LTBP1: variants seen among roughly 807,000 people sequenced by gnomAD.
The protein encoded by LTBP1 is latent-transforming growth factor beta-binding protein 1.
LTBP1 carries 129 observed loss-of-function variants against 207.6 expected under a neutral mutation model. The ratio of observed to expected loss-of-function variants is 0.62; its 90% CI spans 0.54 to 0.72. LTBP1 has a LOEUF of 0.72. LTBP1 is among the 30% of genes least tolerant of loss of function. The pLI, the probability that LTBP1 is intolerant of heterozygous loss-of-function variation, is 0.00. For synonymous variants in LTBP1, 963 were observed against 833.7 expected (o/e 1.16, Z -2.67); for missense variants, 2,281 against 2,217.2 (o/e 1.03, Z -0.58).
At chr2:33,022,471 A>G (rs2075223061) in intron 3 of LTBP1, among the ~76,000 whole-genome samples, 1 of 151,936 alleles carries the variant, frequency 6.6e-6, no homozygotes, top group Non-Finnish European at 1.5e-5. Flanking sequence ...TGTGCCAGGT[A>G]CTCTTTTAAA....
intron 5 of LTBP1, among the ~76,000 whole-genome samples, chr2:33,180,003 G>C (rs1340255719): frequency 6.6e-6 from 1 of 152,028 alleles, no homozygotes; most frequent in Non-Finnish European, 1.5e-5. Context: ...CTCAGTTTTG[G>C]AGCCTTTCTA....
intron 22 of LTBP1, among the ~76,000 whole-genome samples, chr2:33,307,327 T>G (rs533244837): frequency 1.3e-5 from 2 of 152,336 alleles, no homozygotes; most frequent in African/African-American, 4.8e-5. Flanking sequence ...CAAAGACTTA[T>G]GATTTTAGAA....
At chr2:33,309,710 A>G (rs1228542296) in intron 23 of LTBP1, among the ~76,000 whole-genome samples, 154 bp downstream of exon 23, 2 of 152,202 alleles carry the variant, frequency 1.3e-5, no homozygotes, top group Non-Finnish European at 2.9e-5. Flanking sequence ...GGTCCACATC[A>G]AGTGCAGGAA....
At chr2:33,050,472 A>G (rs1476435068) in intron 3 of LTBP1, among the ~76,000 whole-genome samples, 1 of 152,138 alleles carries the variant, frequency 6.6e-6, no homozygotes, top group Non-Finnish European at 1.5e-5. Context: ...CACACAACTC[A>G]CCTGTACATT....
At position 33,364,242 on chromosome 2, in the gene LTBP1, A is replaced by G. The variant is rs2094958307; in HGVS notation, c.4426A>G (p.Ser1476Gly). The G allele has an allele frequency of 6.2e-7, 1 of 1,613,956 alleles. No individual in the cohort carries two copies. Among genetic ancestry groups the G allele is most frequent in the Non-Finnish European group, 8.5e-7 (1 of 1,179,924 alleles). Residue 1476 changes from serine (S) to glycine (G), a missense_variant, in exon 30 of 34, where the codon AGT (serine) becomes GGT (glycine). Transcript: ENST00000404816. Reference protein sequence around the residue: ...FDMDECQDPSSCIDGQCVNTE... With the variant: ...FDMDECQDPSGCIDGQCVNTE... The stretch of plus-strand genomic sequence containing the variant: ...TATGGATGAATGTCAAGACCCCAGT[A>G]GTTGTATTGATGGCCAGTGTGTTAA...
intron 16 of LTBP1, among the ~76,000 whole-genome samples, chr2:33,274,400 A>G (rs919217084): frequency 2.6e-5 from 4 of 152,192 alleles, no homozygotes; most frequent in Non-Finnish European, 5.9e-5. Flanking sequence ...GAAGCAACAA[A>G]GGAACATATC....
At chr2:33,229,208 G>A (rs568085760) in intron 9 of LTBP1, among the ~76,000 whole-genome samples, 6 of 152,270 alleles carry the variant, frequency 3.9e-5, no homozygotes, top group East Asian at 1.9e-4. Context: ...AATGGCTCAT[G>A]CCTGTATTCC....
intron 5 of LTBP1, among the ~76,000 whole-genome samples, chr2:33,163,475 C>CT (rs1488581073): frequency 6.6e-6 from 1 of 152,122 alleles, no homozygotes; most frequent in Non-Finnish European, 1.5e-5. Context: ...AGAAAAAGCA[C>CT]TGGAAGCAAG....
intron 5 of LTBP1, among the ~76,000 whole-genome samples, chr2:33,152,809 G>A (rs1558715223): frequency 6.6e-6 from 1 of 152,110 alleles, no homozygotes. Context: ...GATTTTTCAA[G>A]AAAAACCTGG....
chr2:33,117,601 C>T (rs1052287341), intron 4 of LTBP1, among the ~76,000 whole-genome samples: 1 of 152,178 alleles, frequency 6.6e-6, no homozygotes, highest in Non-Finnish European at 1.5e-5. Flanking sequence ...CAATATTTAA[C>T]ACGGACAGGT....
intron 5 of LTBP1, among the ~76,000 whole-genome samples, chr2:33,148,079 A>G (rs1401644874): frequency 6.6e-6 from 1 of 152,152 alleles, no homozygotes; most frequent in Non-Finnish European, 1.5e-5. Context: ...AGCTGCCAAT[A>G]GTGTGGTGGT....
intron 24 of LTBP1, among the ~76,000 whole-genome samples, chr2:33,327,853 A>G (rs1379747808): frequency 1.3e-5 from 2 of 151,924 alleles, no homozygotes; most frequent in Non-Finnish European, 2.9e-5. Flanking sequence ...AAATGCATGT[A>G]GAGGGCCGGG....
At chr2:33,089,949 A>C (rs1368802584) in intron 3 of LTBP1, among the ~76,000 whole-genome samples, 1 of 152,254 alleles carries the variant, frequency 6.6e-6, no homozygotes, top group Non-Finnish European at 1.5e-5. Context: ...CAACTTGTCT[A>C]TAGTTTGATC....
intron 3 of LTBP1, among the ~76,000 whole-genome samples, chr2:33,061,864 C>T (rs72793712): frequency 0.097 from 14,780 of 152,116 alleles, 948 homozygotes; most frequent in Non-Finnish European, 0.14. Context: ...ATGTGGTTAG[C>T]TTTATAAGAA....
chr2:33,374,283 G>C (rs1175650005), intron 31 of LTBP1, among the ~76,000 whole-genome samples: 5 of 152,138 alleles, frequency 3.3e-5, no homozygotes, highest in African/African-American at 1.2e-4. Context: ...GCAATCCAGG[G>C]ATCTCTTTCT....
chr2:32,980,483 G>A (rs13423950), intron 2 of LTBP1, among the ~76,000 whole-genome samples: 21,806 of 151,992 alleles, frequency 0.14, 1,686 homozygotes, highest in African/African-American at 0.19. Flanking sequence ...TAAAAAGAAA[G>A]CTAATAACTT....
intron 3 of LTBP1, among the ~76,000 whole-genome samples, chr2:33,039,397 T>C (rs1005830916): frequency 6.6e-6 from 1 of 152,292 alleles, no homozygotes; most frequent in Admixed American, 6.5e-5. Flanking sequence ...TGAATTTTGG[T>C]AGCTTTGGTA....
chr2:33,162,502 T>G (rs977285694), intron 5 of LTBP1, among the ~76,000 whole-genome samples: 5 of 152,184 alleles, frequency 3.3e-5, no homozygotes, highest in African/African-American at 1.2e-4. Context: ...AGCAGAAACT[T>G]TGTTCTTGTC....
chr2:33,002,830 A>G (rs1686238522), intron 2 of LTBP1, among the ~76,000 whole-genome samples: 1 of 152,052 alleles, frequency 6.6e-6, no homozygotes, highest in Non-Finnish European at 1.5e-5. Context: ...GGTTCATGCC[A>G]CTATGCCTGG....
Sources: allele counts gnomAD v4.1 joint callset (sites outside exome capture counted in the v4.1 genomes callset), GRCh38; gene constraint gnomAD v4.1.1; transcripts MANE v1.5; gene names NCBI Gene and HGNC (gene_info 2026-07-23, HGNC 2026-07-21).